The following PALLD variants were observed in gnomAD, a reference collection of about 807,000 sequenced individuals.
The protein encoded by PALLD is palladin, cytoskeletal associated protein, also known as palladin.
A neutral mutation model predicts 123.5 loss-of-function variants in PALLD; 61 were observed. The ratio of observed to expected loss-of-function variants is 0.49; its 90% CI spans 0.40 to 0.61. The LOEUF (loss-of-function observed/expected upper bound fraction) is 0.61. Among genes scored for constraint, PALLD ranks in the 20% least tolerant of loss-of-function variants. PALLD has a pLI of 0.00. For synonymous variants in PALLD, 465 were observed against 496.4 expected (o/e 0.94, Z 0.84); for missense variants, 1,273 against 1,377.0 (o/e 0.92, Z 1.20).
At chr4:168,723,357 A>G (rs1204460335) in intron 10 of PALLD, among the ~76,000 whole-genome samples, 1 of 152,188 alleles carries the variant, frequency 6.6e-6, no homozygotes, top group Admixed American at 6.5e-5. Context: ...CTTGGGAAAC[A>G]AGGACCCTGC....
At chr4:168,820,626 A>G (rs2150790991) in intron 10 of PALLD, among the ~76,000 whole-genome samples, 1 of 152,252 alleles carries the variant, frequency 6.6e-6, no homozygotes, top group East Asian at 1.9e-4. Context: ...GCTCTTAAGC[A>G]TGAACTTGCA....
chr4:168,724,055 G>A (rs373055557), intron 10 of PALLD, among the ~76,000 whole-genome samples: 1 of 152,018 alleles, frequency 6.6e-6, no homozygotes, highest in African/African-American at 2.4e-5. Context: ...ACCGTGCCCA[G>A]CTAATTTTTT....
In PALLD at chr4:168,670,775, C is replaced by CA. The variant is rs112589264; in HGVS notation, c.1087+2420dup. The stretch of plus-strand genomic sequence containing the variant: ...AAAAAACAAAAAAAACAAAAAAAAA[C>CA]AAAAAAAAAAAAACAAAAAAAACAA... On this transcript the variant is annotated intron_variant, in intron 3 of 21. Transcript: ENST00000505667. Among the ~76,000 whole-genome samples, 492 of 100,180 alleles carry CA rather than the reference C, an allele frequency of 4.9e-3. 18 individuals are homozygous for CA. The highest frequency in any genetic ancestry group is 7.6e-3 in the African/African-American group (190 of 25,130). 65.7% of individuals were successfully genotyped at this position (100,180 alleles called of 152,430 possible). A position where few individuals can be genotyped will look rare whatever the true frequency, so the allele number is the denominator to read the frequency against.
At chr4:168,699,279 A>G (rs1011956364) in intron 8 of PALLD, among the ~76,000 whole-genome samples, 2 of 152,110 alleles carry the variant, frequency 1.3e-5, no homozygotes, top group African/African-American at 2.4e-5. Flanking sequence ...GGATTTTGCC[A>G]TGTTGGCCAG....
intron 3 of PALLD, among the ~76,000 whole-genome samples, chr4:168,673,913 T>C (rs1218326814): frequency 6.6e-6 from 1 of 151,868 alleles, no homozygotes; most frequent in African/African-American, 2.4e-5. Flanking sequence ...TGTGTGTGTG[T>C]GTGTCTGTGT....
chr4:168,551,234 G>C (rs1347074688), intron 2 of PALLD, among the ~76,000 whole-genome samples: 2 of 152,058 alleles, frequency 1.3e-5, no homozygotes, highest in African/African-American at 2.4e-5. Flanking sequence ...ATTTTCAAAT[G>C]TTTTTATTTT....
At chr4:168,582,363 G>A (rs1350002273) in intron 2 of PALLD, among the ~76,000 whole-genome samples, 1 of 151,970 alleles carries the variant, frequency 6.6e-6, no homozygotes, top group Non-Finnish European at 1.5e-5. Flanking sequence ...CAGATTTTTT[G>A]TGGAGTCGTT....
chr4:168,638,362 G>A (rs1776557352), intron 2 of PALLD, among the ~76,000 whole-genome samples: 1 of 152,232 alleles, frequency 6.6e-6, no homozygotes, highest in Non-Finnish European at 1.5e-5. Flanking sequence ...AAGAACTGGG[G>A]CCCTGTCCTA....
intron 10 of PALLD, among the ~76,000 whole-genome samples, chr4:168,766,041 G>C (rs557482371): frequency 1.8e-4 from 27 of 152,250 alleles, no homozygotes; most frequent in African/African-American, 6.3e-4. Flanking sequence ...CTTTCTGTAG[G>C]GATTTCACAG....
intron 8 of PALLD, among the ~76,000 whole-genome samples, chr4:168,704,664 CAAAAA>C (rs35183478): frequency 1.2e-3 from 101 of 81,384 alleles, no homozygotes; most frequent in Middle Eastern, 6.0e-3. Context: ...GACTCTGTCT[CAAAAA>C]AAAAAAAAAA....
chr4:168,694,211 T>A (rs1782920513), intron 8 of PALLD, among the ~76,000 whole-genome samples: 1 of 152,202 alleles, frequency 6.6e-6, no homozygotes, highest in African/African-American at 2.4e-5. Flanking sequence ...TAAAAACTGT[T>A]TTCTTAGCCA....
At chr4:168,804,378 T>C (rs898914434) in intron 10 of PALLD, among the ~76,000 whole-genome samples, 5 of 152,238 alleles carry the variant, frequency 3.3e-5, no homozygotes, top group Non-Finnish European at 7.3e-5. Flanking sequence ...CAAGGAACTA[T>C]AGGAGAGGAA....
chr4:168,924,675 C>A (rs1348187797), intron 19 of PALLD, among the ~76,000 whole-genome samples: 1 of 152,116 alleles, frequency 6.6e-6, no homozygotes, highest in African/African-American at 2.4e-5. Context: ...AAGATGAATT[C>A]ATTTGCTTTA....
intron 10 of PALLD, among the ~76,000 whole-genome samples, chr4:168,806,122 GTGCAATCTCAGCTCAC>G (rs2150710849): frequency 6.6e-6 from 1 of 152,254 alleles, no homozygotes; most frequent in South Asian, 2.1e-4. Flanking sequence ...GAATGCAATG[GTGCAATCTCAGCTCAC>G]TGCAACCTCT....
intron 10 of PALLD, among the ~76,000 whole-genome samples, chr4:168,868,457 CTT>C (rs1193928058): frequency 6.6e-6 from 1 of 152,220 alleles, no homozygotes; most frequent in African/African-American, 2.4e-5. Context: ...TGAGTCATTA[CTT>C]GCTTGTAAGA....
intron 2 of PALLD, among the ~76,000 whole-genome samples, chr4:168,599,502 A>G (rs1580504810): frequency 6.6e-6 from 1 of 151,986 alleles, no homozygotes; most frequent in Non-Finnish European, 1.5e-5. Context: ...AAAATATTCA[A>G]TGAAGCATTG....
chr4:168,670,703 G>T (rs1161707239), intron 3 of PALLD, among the ~76,000 whole-genome samples: 1 of 139,180 alleles, frequency 7.2e-6, no homozygotes, highest in African/African-American at 2.8e-5. Flanking sequence ...ACTGCAGTCC[G>T]CAGTCTGGCC....
rs1560938438 is a variant in PALLD at position 168,925,233 on chromosome 4, T to C, written c.3359T>C (p.Ile1120Thr). 4.4e-6 allele frequency: 7 copies of C among 1,608,238 alleles called. No homozygotes were observed. Among genetic ancestry groups the C allele is most frequent in the Non-Finnish European group, 6.0e-6 (7 of 1,174,584 alleles). ...VSCTARLDVY[I>T]SRH ...GCTCTCTCTCTCTTTCTATTTGTAG[T>C]TTCTCGACATTAATAGTGAACCACA... The change falls in exon 21 of 22, where the codon ATT becomes ACT. Residue 1120 changes from isoleucine (I) to threonine (T), a missense_variant and splice_region_variant. Around this residue, in one of 2 missense-constraint regions of PALLD, gnomAD observed 329 missense variants for 422.5 expected, o/e 0.78. Transcript: ENST00000505667.
intron 17 of PALLD, among the ~76,000 whole-genome samples, chr4:168,916,253 A>G (rs1760064337): frequency 6.6e-6 from 1 of 152,080 alleles, no homozygotes; most frequent in African/African-American, 2.4e-5. Context: ...CTCTACCAAA[A>G]ATACAAAAGT....
Sources: allele counts gnomAD v4.1 joint callset (sites outside exome capture counted in the v4.1 genomes callset), GRCh38; gene constraint gnomAD v4.1.1; regional missense constraint gnomAD v4.1.1; transcripts MANE v1.5; gene names NCBI Gene and HGNC (gene_info 2026-07-23, HGNC 2026-07-21).